MAML3: variants seen among roughly 807,000 people sequenced by gnomAD.
MAML3 encodes mastermind like transcriptional coactivator 3.
Under a neutral mutation model 101.9 loss-of-function variants are expected in MAML3, and 27 were observed. The observed-to-expected ratio is 0.27, with a 90% CI of 0.20 to 0.37. The LOEUF is 0.37. MAML3 is among the 10% of genes least tolerant of loss of function. The probability of loss-of-function intolerance (pLI) is 1.00; values close to 1 mark genes in which losing one functional copy is unlikely to be tolerated. For missense variants in MAML3, 1,316 were observed against 1,444.9 expected (o/e 0.91, Z 1.45); for synonymous variants, 501 against 555.9 (o/e 0.90, Z 1.39).
chr4:139,828,712 CTTTTTT>C (rs996757226), intron 2 of MAML3, among the ~76,000 whole-genome samples: 3 of 128,704 alleles, frequency 2.3e-5, no homozygotes, highest in Non-Finnish European at 5.0e-5. Context: ...AGATGCACTT[CTTTTTT>C]TTTTTTTTTT....
intron 2 of MAML3, among the ~76,000 whole-genome samples, chr4:139,770,883 G>A (rs1428377760): frequency 6.6e-6 from 1 of 152,222 alleles, no homozygotes; most frequent in East Asian, 1.9e-4. Flanking sequence ...GATAGGACTA[G>A]GGAGAGGAGG....
chr4:139,743,277 T>G (rs148232802), intron 2 of MAML3, among the ~76,000 whole-genome samples: 1 of 152,348 alleles, frequency 6.6e-6, no homozygotes, highest in East Asian at 1.9e-4. Context: ...GGGTGATTAA[T>G]GCTGGAGTAG....
chr4:139,755,341 G>A (rs926134458), intron 2 of MAML3, among the ~76,000 whole-genome samples: 1 of 152,208 alleles, frequency 6.6e-6, no homozygotes, highest in South Asian at 2.1e-4. Flanking sequence ...GGTGGCTCAC[G>A]CCTGTAATCC....
chr4:139,998,972 T>C (rs1734870747), intron 1 of MAML3, among the ~76,000 whole-genome samples: 2 of 152,242 alleles, frequency 1.3e-5, no homozygotes, highest in Admixed American at 1.3e-4. Flanking sequence ...CATTCTCTGC[T>C]GATGGATCTA....
intron 1 of MAML3, among the ~76,000 whole-genome samples, chr4:140,116,181 C>T (rs1728514364): frequency 6.6e-6 from 1 of 152,198 alleles, no homozygotes. Flanking sequence ...TTTACAAGCA[C>T]TCCTTCATAT....
chr4:140,150,819 G>A (rs1358374272), intron 1 of MAML3, among the ~76,000 whole-genome samples: 2 of 152,190 alleles, frequency 1.3e-5, no homozygotes, highest in Admixed American at 6.5e-5. Flanking sequence ...CGAGATGCGG[G>A]ACCGGCCCCG....
At chr4:139,925,271 G>A (rs568074709) in intron 1 of MAML3, among the ~76,000 whole-genome samples, 1 of 152,190 alleles carries the variant, frequency 6.6e-6, no homozygotes, top group South Asian at 2.1e-4. Context: ...ACTCTGTCGT[G>A]CAGGCTTGAG....
At chr4:139,762,027 C>G (rs1729769131) in intron 2 of MAML3, among the ~76,000 whole-genome samples, 1 of 152,136 alleles carries the variant, frequency 6.6e-6, no homozygotes, top group South Asian at 2.1e-4. Flanking sequence ...GACCGAGAGC[C>G]CAGGGAGCCC....
chr4:139,864,003 C>T (rs894987520), intron 2 of MAML3, among the ~76,000 whole-genome samples: 4 of 152,032 alleles, frequency 2.6e-5, no homozygotes, highest in African/African-American at 9.7e-5. Context: ...ATCTTCAGGT[C>T]CATAATGATG....
chr4:139,906,875 A>T (rs1430032287), intron 1 of MAML3, among the ~76,000 whole-genome samples: 1 of 149,408 alleles, frequency 6.7e-6, no homozygotes, highest in Admixed American at 6.6e-5. Context: ...TTCAGAAGCA[A>T]TTTTTTTTTT....
intron 1 of MAML3, among the ~76,000 whole-genome samples, chr4:139,929,659 C>T (rs111515341): frequency 3.3e-5 from 5 of 152,172 alleles, no homozygotes; most frequent in African/African-American, 7.2e-5. Context: ...CTGTGCTTGC[C>T]GGAGACTATC....
At chr4:140,067,055 T>C (rs1438314571) in intron 1 of MAML3, among the ~76,000 whole-genome samples, 1 of 152,190 alleles carries the variant, frequency 6.6e-6, no homozygotes, top group East Asian at 1.9e-4. Context: ...CCCTGAATAA[T>C]ACATTTTGGC....
chr4:139,868,610 G>A (rs1041544707), intron 2 of MAML3, among the ~76,000 whole-genome samples: 7 of 152,072 alleles, frequency 4.6e-5, no homozygotes, highest in African/African-American at 1.7e-4. Context: ...TTTCTAGGCC[G>A]CGGTCTTCTC....
chr4:139,956,457 T>TA (rs1733918610), intron 1 of MAML3, among the ~76,000 whole-genome samples: 1 of 152,196 alleles, frequency 6.6e-6, no homozygotes, highest in Non-Finnish European at 1.5e-5. Context: ...TTGTAATCTT[T>TA]AAAATGTCAG....
At chr4:139,871,016 G>T (rs528301233) in intron 2 of MAML3, among the ~76,000 whole-genome samples, 2 of 152,196 alleles carry the variant, frequency 1.3e-5, no homozygotes, top group Non-Finnish European at 2.9e-5. Flanking sequence ...ATGCATGTTT[G>T]TGTGTACATA....
intron 1 of MAML3, among the ~76,000 whole-genome samples, chr4:140,061,282 A>T (rs1292848040): frequency 6.6e-6 from 1 of 152,218 alleles, no homozygotes. Context: ...TAAACAGTTC[A>T]GTGCACCAAG....
rs1022255586 is a variant in MAML3, at chr4:139,752,483, G to T, written c.2080-21816C>A. Reference sequence around the variant, plus strand: ...TCACAACCCCACCTATGAAAAGGGGGTGAGTGATAACCACTCCCCACCGTC... The same window carrying T: ...TCACAACCCCACCTATGAAAAGGGGTTGAGTGATAACCACTCCCCACCGTC... On this transcript the variant is annotated intron_variant, in intron 2 of 4. Transcript: ENST00000509479. Among the ~76,000 whole-genome samples the T allele has an allele frequency of 5.3e-5, 8 of 152,116 alleles. No homozygotes were observed. In the East Asian group the frequency reaches 1.4e-3, roughly 26 times the overall value.
At chr4:140,147,945 C>A (rs1245320468) in intron 1 of MAML3, among the ~76,000 whole-genome samples, 1 of 151,900 alleles carries the variant, frequency 6.6e-6, no homozygotes, top group East Asian at 1.9e-4. Context: ...CACGTGCATG[C>A]ATGAGAGAGA....
chr4:139,982,014 G>A (rs1022465891), intron 1 of MAML3, among the ~76,000 whole-genome samples: 1 of 151,956 alleles, frequency 6.6e-6, no homozygotes, highest in Admixed American at 6.6e-5. Context: ...CTCCTTTTTC[G>A]ACTGTACTTT....
Sources: gnomAD v4.1 joint callset for allele counts (sites outside exome capture counted in the v4.1 genomes callset) on GRCh38, gnomAD v4.1.1 for gene constraint, MANE v1.5 for transcripts, NCBI Gene and HGNC (gene_info 2026-07-23, HGNC 2026-07-21) for gene names.